Variants in EVI5 observed in about 807,000 individuals in gnomAD.
EVI5 encodes the protein ecotropic viral integration site 5.
A neutral mutation model predicts 112.0 loss-of-function variants in EVI5; 73 were observed. That is an observed-to-expected ratio of 0.65 (90% CI 0.54 to 0.79). The LOEUF (loss-of-function observed/expected upper bound fraction) is 0.79, where lower values mean the gene tolerates loss of function less well. Ranked by LOEUF, EVI5 falls within the 30% of genes least tolerant of loss-of-function variation. The pLI, the probability that EVI5 is intolerant of heterozygous loss-of-function variation, is 0.00. For missense variants in EVI5, 900 were observed against 968.8 expected (o/e 0.93, Z 0.94); for synonymous variants, 305 against 319.9 (o/e 0.95, Z 0.50).
At chr1:92,699,363 G>C (rs895510908) in intron 5 of EVI5, among the ~76,000 whole-genome samples, 1 of 151,982 alleles carries the variant, frequency 6.6e-6, no homozygotes, top group African/African-American at 2.4e-5. Context: ...GCATTTTCTG[G>C]AACCCATATC....
chr1:92,603,160 C>G (rs1007674211), intron 18 of EVI5, among the ~76,000 whole-genome samples: 1 of 152,084 alleles, frequency 6.6e-6, no homozygotes, highest in Non-Finnish European at 1.5e-5. Flanking sequence ...CACTTCACAC[C>G]CATTAGGATG....
Position 92,647,503 on chromosome 1 carries a change from C to A in EVI5, c.1393-11167G>T. Reference sequence around the variant, plus strand: ...CTCTTTGCCAGACACTGTCTTCCACCTCTCAGAGCACTTCTTGGAAAATTC... The same window carrying A: ...CTCTTTGCCAGACACTGTCTTCCACATCTCAGAGCACTTCTTGGAAAATTC... On this transcript the variant is annotated intron_variant, in intron 13 of 19. Transcript: ENST00000684568. 7 of 495,578 alleles carry A rather than the reference C, an allele frequency of 1.4e-5. No individual in the cohort carries two copies. The South Asian group carries it at 1.8e-4, about 12-fold the overall frequency. 30.7% of individuals were successfully genotyped at this position (495,578 alleles called of 1,614,324 possible). A position where few individuals can be genotyped will look rare whatever the true frequency, so the allele number is the denominator to read the frequency against.
intron 1 of EVI5, chr1:92,755,737 AG>A: frequency 6.6e-6 from 1 of 152,376 alleles, no homozygotes; most frequent in Non-Finnish European, 1.5e-5. Flanking sequence ...GCCGACGCCA[AG>A]GGGACTGAGG....
chr1:92,677,195 A>G lies in EVI5; in HGVS notation c.1121T>C (p.Ile374Thr). The stretch of plus-strand genomic sequence containing the variant: ...TTGCTCTTCCATTTCTTTCGTTTTT[A>G]TTGTAGTGTATTCCTTTTCAAGCCT... The part of the protein sequence containing the change: ...MKKLEKEYTT[I>T]KTKEMEEQVE... Residue 374 changes from isoleucine to threonine, a missense_variant, in exon 10 of 20, where the codon ATA becomes ACA. Transcript: ENST00000684568. 1 of 1,587,450 alleles carries G rather than the reference A, an allele frequency of 6.3e-7. No individual in the cohort carries two copies. Among genetic ancestry groups the G allele is most frequent in the Non-Finnish European group, 8.6e-7 (1 of 1,161,664 alleles).
At chr1:92,518,884 C>T (rs990299286) in intron 19 of EVI5, among the ~76,000 whole-genome samples, 1 of 152,156 alleles carries the variant, frequency 6.6e-6, no homozygotes, top group African/African-American at 2.4e-5. Flanking sequence ...TGGCATCAGA[C>T]TCTCCAACTG....
intron 18 of EVI5, among the ~76,000 whole-genome samples, chr1:92,579,346 A>T (rs144234001): frequency 6.6e-6 from 1 of 152,318 alleles, no homozygotes; most frequent in African/African-American, 2.4e-5. Flanking sequence ...AAATTTAATA[A>T]GAGAGCCAAT....
intron 16 of EVI5, among the ~76,000 whole-genome samples, chr1:92,621,437 G>A (rs1337173215): frequency 3.3e-5 from 5 of 152,068 alleles, no homozygotes; most frequent in African/African-American, 7.2e-5. Flanking sequence ...TCAGCCTCCC[G>A]AATAGCTGGG....
At chr1:92,697,361 C>T (rs1670481564) in intron 6 of EVI5, among the ~76,000 whole-genome samples, 1 of 152,004 alleles carries the variant, frequency 6.6e-6, no homozygotes, top group Non-Finnish European at 1.5e-5. Flanking sequence ...TTCTCTCCAC[C>T]TTCATACAGT....
At chr1:92,540,355 T>G (rs1195057730) in intron 19 of EVI5, among the ~76,000 whole-genome samples, 2 of 152,240 alleles carry the variant, frequency 1.3e-5, no homozygotes, top group Non-Finnish European at 2.9e-5. Context: ...ATTTTTATTA[T>G]CTGTTTTATT....
At chr1:92,520,867 A>C (rs1660793130) in intron 19 of EVI5, among the ~76,000 whole-genome samples, 1 of 151,740 alleles carries the variant, frequency 6.6e-6, no homozygotes, top group Non-Finnish European at 1.5e-5. Context: ...AAAAAAAAAA[A>C]GAAATTAGTT....
intron 10 of EVI5, among the ~76,000 whole-genome samples, chr1:92,668,754 C>G (rs1183851560): frequency 6.6e-6 from 1 of 152,196 alleles, no homozygotes; most frequent in Non-Finnish European, 1.5e-5. Flanking sequence ...TCAGTTAATA[C>G]AGACCATTTC....
intron 1 of EVI5, among the ~76,000 whole-genome samples, chr1:92,783,031 G>A (rs1342752747): frequency 6.6e-6 from 1 of 151,856 alleles, no homozygotes; most frequent in Non-Finnish European, 1.5e-5. Flanking sequence ...ACGTTGCCCT[G>A]GCTGGTCTCA....
chr1:92,559,936 T>C (rs1199512192), intron 19 of EVI5, among the ~76,000 whole-genome samples: 1 of 152,158 alleles, frequency 6.6e-6, no homozygotes, highest in Non-Finnish European at 1.5e-5. Flanking sequence ...GGAAAAGTAC[T>C]CAATCTCATT....
chr1:92,511,436 C>T lies in EVI5; in HGVS notation c.*2220G>A, dbSNP rs1328192732. The T allele has an allele frequency of 1.3e-5, 2 of 152,002 alleles. No homozygotes were observed. Among genetic ancestry groups the T allele is most frequent in the Admixed American group, 6.6e-5 (1 of 15,260 alleles). 9.4% of individuals were successfully genotyped at this position (152,002 alleles called of 1,614,324 possible). On this transcript the variant is annotated 3_prime_UTR_variant, in exon 20 of 20. Transcript: ENST00000684568. The stretch of plus-strand genomic sequence containing the variant: ...GCACTCCAGCCTGAGTGCAGTGAGA[C>T]TTCATCTCAAAAAACAAAAATAAAA...
chr1:92,782,910 C>T (rs1431003394), intron 1 of EVI5, among the ~76,000 whole-genome samples: 2 of 152,134 alleles, frequency 1.3e-5, no homozygotes, highest in African/African-American at 4.8e-5. Context: ...ACTTCGACCT[C>T]CCCGGCTTTG....
chr1:92,787,671 G>A (rs958562148), upstream of EVI5, among the ~76,000 whole-genome samples: 2 of 151,834 alleles, frequency 1.3e-5, no homozygotes, highest in African/African-American at 4.8e-5. Context: ...GCCTGGAAGG[G>A]TGAGGCCGAA....
chr1:92,524,594 C>T (rs748026963), intron 19 of EVI5, among the ~76,000 whole-genome samples: 5 of 152,120 alleles, frequency 3.3e-5, no homozygotes, highest in Non-Finnish European at 7.3e-5. Flanking sequence ...ATCACTGAAG[C>T]GCACCACCCA....
chr1:92,642,236 C>G (rs891321689), intron 13 of EVI5, among the ~76,000 whole-genome samples: 5 of 152,094 alleles, frequency 3.3e-5, no homozygotes, highest in African/African-American at 1.2e-4. Context: ...ATTTGTGTAA[C>G]TGTAAGATTT....
intron 16 of EVI5, among the ~76,000 whole-genome samples, chr1:92,608,337 A>G (rs1650931500): frequency 6.6e-6 from 1 of 152,170 alleles, no homozygotes; most frequent in Non-Finnish European, 1.5e-5. Flanking sequence ...CAATGGGAGT[A>G]CAAAATGGAT....
Sources: allele counts gnomAD v4.1 joint callset (sites outside exome capture counted in the v4.1 genomes callset), GRCh38; gene constraint gnomAD v4.1.1; transcripts MANE v1.5; gene names NCBI Gene and HGNC (gene_info 2026-07-23, HGNC 2026-07-21).